Variants in SGSM1 observed in about 807,000 individuals in gnomAD.
The protein encoded by SGSM1 is small G protein signaling modulator 1.
A neutral mutation model predicts 133.8 loss-of-function variants in SGSM1; 73 were observed. That is an observed-to-expected ratio of 0.55 (90% CI 0.45 to 0.66). The LOEUF is 0.66. Ranked by LOEUF, SGSM1 falls within the 30% of genes least tolerant of loss-of-function variation. SGSM1 has a pLI of 0.00. For missense variants in SGSM1, 1,213 were observed against 1,448.1 expected (o/e 0.84, Z 2.64); for synonymous variants, 563 against 573.0 (o/e 0.98, Z 0.25).
intron 16 of SGSM1, among the ~76,000 whole-genome samples, chr22:24,890,167 A>C (rs1003249455): frequency 1.3e-5 from 2 of 151,542 alleles, no homozygotes; most frequent in Non-Finnish European, 2.9e-5. Flanking sequence ...CGTGTTAGAT[A>C]GGATGGTCTC....
intron 20 of SGSM1, among the ~76,000 whole-genome samples, chr22:24,903,879 G>A (rs933596410): frequency 2.0e-5 from 3 of 151,528 alleles, no homozygotes; most frequent in African/African-American, 7.3e-5. Flanking sequence ...GGCTGAGACA[G>A]GGGAATTGCT....
intron 16 of SGSM1, among the ~76,000 whole-genome samples, chr22:24,890,490 A>G (rs2123687590): frequency 6.6e-6 from 1 of 152,308 alleles, no homozygotes; most frequent in South Asian, 2.1e-4. Context: ...GCTAGACTAC[A>G]GGTCTTACTA....
At position 24,924,302 on chromosome 22, in the gene SGSM1, C is replaced by T; in HGVS notation, c.*28C>T. The stretch of plus-strand genomic sequence containing the variant: ...GGCACCTCACCCCGGCAGCCTCAGC[C>T]AAGCTGCCCCTGCCCCGCTCCTCTG... On this transcript the variant is annotated 3_prime_UTR_variant, in exon 25 of 25. Transcript: ENST00000400358. 1 of 1,589,542 alleles carries T rather than the reference C, an allele frequency of 6.3e-7. No individual in the cohort carries two copies. Among genetic ancestry groups the T allele is most frequent in the Non-Finnish European group, 8.6e-7 (1 of 1,158,338 alleles).
At chr22:24,882,902 C>G (rs1190102798) in intron 14 of SGSM1, among the ~76,000 whole-genome samples, 1 of 134,158 alleles carries the variant, frequency 7.5e-6, no homozygotes. Context: ...TTTTTTTTTT[C>G]TTTCTTTTTT....
At chr22:24,854,758 G>T (rs1279509766) in intron 5 of SGSM1, among the ~76,000 whole-genome samples, 1 of 152,222 alleles carries the variant, frequency 6.6e-6, no homozygotes, top group Non-Finnish European at 1.5e-5. Flanking sequence ...CGAGGTTACA[G>T]TGCGCTTTGA....
intron 2 of SGSM1, among the ~76,000 whole-genome samples, chr22:24,831,171 C>T (rs932605658): frequency 6.6e-6 from 1 of 151,710 alleles, no homozygotes; most frequent in Non-Finnish European, 1.5e-5. Context: ...CTCTTAGGAT[C>T]AACACCAGGA....
intron 2 of SGSM1, among the ~76,000 whole-genome samples, chr22:24,817,012 G>A (rs377224551): frequency 6.6e-6 from 1 of 152,210 alleles, no homozygotes; most frequent in Admixed American, 6.5e-5. Context: ...GTCATGGGGG[G>A]GTGAGGGGTG....
At chr22:24,857,479 A>G (rs920334563) in intron 8 of SGSM1, among the ~76,000 whole-genome samples, 1 of 150,732 alleles carries the variant, frequency 6.6e-6, no homozygotes, top group Non-Finnish European at 1.5e-5. Context: ...TTTATTTGCT[A>G]CTTAGAAATT....
chr22:24,896,696 G>A (rs979627847), intron 18 of SGSM1, among the ~76,000 whole-genome samples: 1 of 151,738 alleles, frequency 6.6e-6, no homozygotes, highest in Non-Finnish European at 1.5e-5. Flanking sequence ...TATACATGAG[G>A]CTGGGCACGG....
chr22:24,825,208 A>G (rs1361054913), intron 2 of SGSM1, among the ~76,000 whole-genome samples: 2 of 152,176 alleles, frequency 1.3e-5, no homozygotes, highest in African/African-American at 2.4e-5. Flanking sequence ...AAGTGAGCAC[A>G]TAGTGCCACC....
chr22:24,917,597 G>C, intron 22 of SGSM1, 61 bp from the exon 23 acceptor site: 1 of 1,238,136 alleles, frequency 8.1e-7, no homozygotes, highest in South Asian at 1.3e-5. Flanking sequence ...CATTTATTCA[G>C]CTGTCTCCTC....
At chr22:24,845,244 C>T (rs1930031237) in intron 3 of SGSM1, among the ~76,000 whole-genome samples, 1 of 152,186 alleles carries the variant, frequency 6.6e-6, no homozygotes, top group Non-Finnish European at 1.5e-5. Context: ...GACACACAGT[C>T]TTGCATCTGA....
intron 20 of SGSM1, among the ~76,000 whole-genome samples, chr22:24,904,630 C>T (rs1933306746): frequency 6.6e-6 from 1 of 151,410 alleles, no homozygotes; most frequent in Non-Finnish European, 1.5e-5. Context: ...AGTAAGAGCT[C>T]GATAAATATA....
chr22:24,882,898 T>C lies in SGSM1; in HGVS notation c.1496-1155T>C, dbSNP rs187968879. On this transcript the variant is annotated intron_variant, in intron 14 of 24. Transcript: ENST00000400358. The stretch of plus-strand genomic sequence containing the variant: ...TTTGTATACCACGGTTTCTTTTTTT[T>C]TTTCTTTCTTTTTTTTTGAGACAGA... Among the ~76,000 whole-genome samples, 274 of 151,790 alleles carry C rather than the reference T, an allele frequency of 1.8e-3. 1 individual carries two copies. Among genetic ancestry groups the C allele is most frequent in the Non-Finnish European group, 3.2e-3 (220 of 67,918 alleles).
chr22:24,845,009 G>A (rs762604294), intron 3 of SGSM1, 37 bp downstream of exon 3: 27 of 1,604,350 alleles, frequency 1.7e-5, no homozygotes, highest in Non-Finnish European at 2.3e-5. Context: ...TTCTTTCTCT[G>A]TGGGCTGCCT....
chr22:24,907,551 T>G (rs555458393), intron 21 of SGSM1, among the ~76,000 whole-genome samples: 1 of 151,862 alleles, frequency 6.6e-6, no homozygotes, highest in Admixed American at 6.6e-5. Flanking sequence ...GGTTTTTTGG[T>G]TTTTTTGCAA....
intron 19 of SGSM1, among the ~76,000 whole-genome samples, chr22:24,900,675 G>T (rs905114041): frequency 6.6e-6 from 1 of 152,162 alleles, no homozygotes; most frequent in Non-Finnish European, 1.5e-5. Flanking sequence ...GGGATTACAG[G>T]CATGAGCCAC....
intron 9 of SGSM1, among the ~76,000 whole-genome samples, chr22:24,862,049 G>A (rs558494392): frequency 6.6e-6 from 1 of 151,266 alleles, no homozygotes; most frequent in East Asian, 2.0e-4. Flanking sequence ...CCGCCTCCCA[G>A]GTTCAAGCAA....
chr22:24,911,259 T>G (rs1361662661), intron 21 of SGSM1, among the ~76,000 whole-genome samples: 1 of 148,538 alleles, frequency 6.7e-6, no homozygotes, highest in Non-Finnish European at 1.5e-5. Flanking sequence ...AATAAATAAA[T>G]ACATAATAAA....
Sources: gnomAD v4.1 joint callset for allele counts (sites outside exome capture counted in the v4.1 genomes callset) on GRCh38, gnomAD v4.1.1 for gene constraint, MANE v1.5 for transcripts, NCBI Gene and HGNC (gene_info 2026-07-23, HGNC 2026-07-21) for gene names.